DNAH6: variants seen among roughly 807,000 people sequenced by gnomAD.
DNAH6 encodes the protein dynein axonemal heavy chain 6.
A neutral mutation model predicts 491.4 loss-of-function variants in DNAH6; 340 were observed. That is an observed-to-expected ratio of 0.69 (90% CI 0.63 to 0.76). The LOEUF (loss-of-function observed/expected upper bound fraction) is 0.76. Ranked by LOEUF, DNAH6 falls within the 30% of genes least tolerant of loss-of-function variation. DNAH6 has a pLI of 0.00. For missense variants in DNAH6, 4,443 were observed against 4,972.2 expected (o/e 0.89, Z 3.20); for synonymous variants, 1,603 against 1,686.1 (o/e 0.95, Z 1.21).
At position 84,611,733 on chromosome 2, in the gene DNAH6, A is replaced by G. The variant is rs1427478139; in HGVS notation, c.3354A>G (p.Pro1118=). The part of the protein sequence containing the change: ...WLYLESIFNA[P]DIQRQLPAEA... ...ACCTAGAAAGTATTTTCAATGCTCC[A>G]GACATTCAGAGGCAATTGCCTGCAG... Residue 1118 remains proline (P), a synonymous_variant, in exon 22 of 77, where the codon CCA becomes CCG. Transcript: ENST00000389394. The G allele has an allele frequency of 6.4e-6, 10 of 1,551,086 alleles. No homozygotes were observed. Among genetic ancestry groups the G allele is most frequent in the African/African-American group, 1.4e-5 (1 of 72,994 alleles).
Position 84,653,763 on chromosome 2 carries a change from A to G in DNAH6, c.5523A>G (p.Val1841=). Residue 1841 remains valine, a synonymous_variant, in exon 34 of 77, where the codon GTA becomes GTG. Coordinates refer to ENST00000389394, the MANE Select transcript of DNAH6 (RefSeq NM_001370.2). ...DHKWIISDGP[V]DALWIENMNT... is the part of the protein sequence containing the mutation. ...AATGGATCATCAGTGATGGGCCAGT[A>G]GATGCTCTTTGGATTGAAAACATGA... 6.4e-7 allele frequency: 1 copy of G among 1,551,414 alleles called. No individual in the cohort carries two copies. The highest frequency in any genetic ancestry group is 1.2e-5 in the South Asian group (1 of 84,054).
chr2:84,553,328 C>CTCTT (rs1553420366), intron 10 of DNAH6, among the ~76,000 whole-genome samples: 1 of 149,240 alleles, frequency 6.7e-6, no homozygotes, highest in African/African-American at 2.5e-5. Context: ...GAAGAGATCA[C>CTCTT]TTGTGAATAC....
At chr2:84,572,844 T>C (rs542478006) in intron 11 of DNAH6, among the ~76,000 whole-genome samples, 16 of 152,338 alleles carry the variant, frequency 1.1e-4, no homozygotes, top group African/African-American at 3.4e-4. Context: ...TTCATAGACT[T>C]TGAACATATA....
chr2:84,788,602 C>A (rs1012778577), intron 68 of DNAH6, among the ~76,000 whole-genome samples: 1 of 152,208 alleles, frequency 6.6e-6, no homozygotes, highest in African/African-American at 2.4e-5. Context: ...CATTGTGGCA[C>A]TGGCATAAAA....
the DNAH6 span, among the ~76,000 whole-genome samples, chr2:84,490,795 C>T: frequency 2.0e-5 from 3 of 152,128 alleles, no homozygotes; most frequent in Non-Finnish European, 4.4e-5. Context: ...CTCCTAACCT[C>T]AAGTGATCCA....
At chr2:84,590,793 G>A (rs1684043783) in intron 16 of DNAH6, among the ~76,000 whole-genome samples, 1 of 152,158 alleles carries the variant, frequency 6.6e-6, no homozygotes, top group African/African-American at 2.4e-5. Flanking sequence ...TACACAATTA[G>A]GAGGAAGTTC....
rs1236234761 is a variant in DNAH6 at position 84,547,190 on chromosome 2, AT to A, written c.931-76del. ...GAGGTGTTTATTATCCTTAATAACTATTCTTGCTTTTTGAATGTTCTATACT... is the reference window on the plus strand; with the variant it reads ...GAGGTGTTTATTATCCTTAATAACTATCTTGCTTTTTGAATGTTCTATACT... On this transcript the variant is annotated intron_variant, in intron 5 of 76. Transcript: ENST00000389394. 5 of 1,243,650 alleles carry A rather than the reference AT, an allele frequency of 4.0e-6. No individual in the cohort carries two copies. In the African/African-American group the frequency reaches 7.6e-5, roughly 19 times the overall value. The allele number at this position is 1,243,650 out of a possible 1,614,324, so 77.0% of individuals were successfully genotyped here.
intron 42 of DNAH6, among the ~76,000 whole-genome samples, chr2:84,683,409 CTTATTT>C (rs1335128970): frequency 7.2e-5 from 6 of 83,780 alleles, no homozygotes; most frequent in Middle Eastern, 6.8e-3. Flanking sequence ...CTACACCACT[CTTATTT>C]TTTTTTTTTT....
At position 84,792,246 on chromosome 2, in the gene DNAH6, G is replaced by A. The variant is rs1230815311; in HGVS notation, c.11240-4060G>A. On this transcript the variant is annotated intron_variant, in intron 68 of 76. Transcript: ENST00000389394. The stretch of plus-strand genomic sequence containing the variant: ...AGAAGGAGGAGGAAAATGGGGAGTT[G>A]TTGTTCAGTATAAAGTTATAGTTAT... 4.6e-5 allele frequency among the ~76,000 whole-genome samples: 7 copies of A among 152,270 alleles called. No homozygotes were observed. In the East Asian group the frequency reaches 9.6e-4, roughly 21 times the overall value.
chr2:84,798,875 A>G (rs1678601013), intron 70 of DNAH6, among the ~76,000 whole-genome samples: 1 of 152,152 alleles, frequency 6.6e-6, no homozygotes, highest in African/African-American at 2.4e-5. Flanking sequence ...CACACCACCC[A>G]GGGATATCAA....
At chr2:84,775,817 T>C (rs907899556) in intron 64 of DNAH6, among the ~76,000 whole-genome samples, 1 of 152,216 alleles carries the variant, frequency 6.6e-6, no homozygotes, top group African/African-American at 2.4e-5. Context: ...TTAATAATAG[T>C]CTCTGAGGAT....
At position 84,808,540 on chromosome 2, in the gene DNAH6, C is replaced by A. The variant is rs1395246725; in HGVS notation, c.11737C>A (p.His3913Asn). 1 of 1,551,562 alleles carries A rather than the reference C, an allele frequency of 6.4e-7. No homozygotes were observed. The highest frequency in any genetic ancestry group is 8.7e-7 in the Non-Finnish European group (1 of 1,146,890). The part of the protein sequence containing the change: ...DRFNNLLKLI[H>N]TSLETLNKAI... ...GTTTAACAACCTGCTGAAGTTAATT[C>A]ATGTATGAGAGCTTACTTTCATCAT... is the stretch of plus-strand genomic sequence containing the variant. Residue 3913 changes from histidine to asparagine, a missense_variant and splice_region_variant, in exon 72 of 77, where the codon CAT becomes AAT. Transcript: ENST00000389394.
At chr2:84,773,634 A>G (rs1329895182) in intron 64 of DNAH6, among the ~76,000 whole-genome samples, 2 of 152,096 alleles carry the variant, frequency 1.3e-5, no homozygotes, top group Non-Finnish European at 2.9e-5. Flanking sequence ...TTATTTCATA[A>G]ATCTCCAAAC....
rs371824266 is a variant in DNAH6, at chr2:84,797,640, T to C, written c.11463T>C (p.Asn3821=). The change falls in exon 70 of 77, where the codon AAT becomes AAC. Residue 3821 remains asparagine, a synonymous_variant. Transcript: ENST00000389394. The stretch of plus-strand genomic sequence containing the variant: ...CAGAAATTTTTGGAATGCATGAAAA[T>C]GCTAATCTAGTCTTCCAGGTATGTG... The part of the protein sequence containing the change: ...DDPEIFGMHE[N]ANLVFQYKET... 3.9e-6 allele frequency: 6 copies of C among 1,551,280 alleles called. No homozygotes were observed. The highest frequency in any genetic ancestry group is 5.2e-6 in the Non-Finnish European group (6 of 1,146,734).
intron 16 of DNAH6, among the ~76,000 whole-genome samples, chr2:84,592,280 C>A (rs1032460042): frequency 2.6e-5 from 4 of 151,514 alleles, no homozygotes; most frequent in African/African-American, 9.7e-5. Flanking sequence ...TTAAAATGGA[C>A]AAAGGACTTG....
At chr2:84,818,483 T>TA (rs1396895235) in intron 76 of DNAH6, among the ~76,000 whole-genome samples, 8,462 of 35,442 alleles carry the variant, frequency 0.24, 591 homozygotes, top group Admixed American at 0.29. Context: ...AGACCCTATC[T>TA]CAAAAAAAAA....
At chr2:84,646,677 A>G (rs1689929382) in intron 33 of DNAH6, among the ~76,000 whole-genome samples, 1 of 152,200 alleles carries the variant, frequency 6.6e-6, no homozygotes. Flanking sequence ...GCCAAAGCCT[A>G]ATCCAGATCA....
chr2:84,493,596 C>G, the DNAH6 span, among the ~76,000 whole-genome samples: 1 of 152,158 alleles, frequency 6.6e-6, no homozygotes, highest in East Asian at 1.9e-4. Flanking sequence ...CTCCAAGATG[C>G]TAATTTGAAC....
chr2:84,482,267 A>T, the DNAH6 span, among the ~76,000 whole-genome samples: 348 of 152,374 alleles, frequency 2.3e-3, 2 homozygotes, highest in Admixed American at 5.9e-3. Flanking sequence ...ACACAAAAAA[A>T]GTATATTGCA....
Sources: gnomAD v4.1 joint callset for allele counts (sites outside exome capture counted in the v4.1 genomes callset) on GRCh38, gnomAD v4.1.1 for gene constraint, MANE v1.5 for transcripts, NCBI Gene and HGNC (gene_info 2026-07-23, HGNC 2026-07-21) for gene names.